FAM184B: variants seen among roughly 807,000 people sequenced by gnomAD.
FAM184B encodes family with sequence similarity 184 member B, also known as protein FAM184B.
FAM184B carries 111 observed loss-of-function variants against 135.9 expected under a neutral mutation model. That is an observed-to-expected ratio of 0.82 (90% CI 0.70 to 0.96). FAM184B has a LOEUF of 0.96. FAM184B is among the 40% of genes least tolerant of loss of function. The pLI is 0.00. For synonymous variants in FAM184B, 552 were observed against 524.8 expected (o/e 1.05, Z -0.71); for missense variants, 1,375 against 1,323.9 (o/e 1.04, Z -0.60).
At chr4:17,713,466 G>T (rs936704243) in intron 1 of FAM184B, among the ~76,000 whole-genome samples, 1 of 152,172 alleles carries the variant, frequency 6.6e-6, no homozygotes, top group Non-Finnish European at 1.5e-5. Flanking sequence ...TTCCATCCAA[G>T]AATATATCTG....
intron 1 of FAM184B, among the ~76,000 whole-genome samples, chr4:17,712,849 G>GT (rs1325108435): frequency 1.3e-5 from 2 of 152,192 alleles, no homozygotes; most frequent in African/African-American, 2.4e-5. Flanking sequence ...ATGAGAGGAA[G>GT]TTTTGGGTAT....
At chr4:17,688,690 T>G (rs1716651744) in intron 6 of FAM184B, among the ~76,000 whole-genome samples, 159 bp from the exon 7 acceptor site, 1 of 135,276 alleles carries the variant, frequency 7.4e-6, no homozygotes, top group Non-Finnish European at 1.6e-5. Flanking sequence ...CTTTTTTTTT[T>G]TTTTTTTTTT....
At chr4:17,730,357 G>A (rs922008991) in intron 1 of FAM184B, among the ~76,000 whole-genome samples, 4 of 152,194 alleles carry the variant, frequency 2.6e-5, no homozygotes, top group African/African-American at 7.2e-5. Context: ...TATTATGCAG[G>A]AGAACTTCCC....
intron 5 of FAM184B, among the ~76,000 whole-genome samples, chr4:17,698,186 T>C (rs1716907813): frequency 6.6e-6 from 1 of 152,186 alleles, no homozygotes; most frequent in Admixed American, 6.5e-5. Flanking sequence ...TGGAAGACTG[T>C]TTCATGGGCC....
chr4:17,736,402 G>T (rs1274918430), intron 1 of FAM184B, among the ~76,000 whole-genome samples: 3 of 152,138 alleles, frequency 2.0e-5, no homozygotes, highest in Non-Finnish European at 4.4e-5. Context: ...AAATGAATTT[G>T]AATTATGTGA....
At chr4:17,749,746 T>C (rs1718251607) in intron 1 of FAM184B, among the ~76,000 whole-genome samples, 1 of 152,226 alleles carries the variant, frequency 6.6e-6, no homozygotes, top group South Asian at 2.1e-4. Flanking sequence ...TCCCCTTCAG[T>C]ACAAAGGAAT....
At chr4:17,766,993 G>A (rs960854390) in intron 1 of FAM184B, among the ~76,000 whole-genome samples, 2 of 152,192 alleles carry the variant, frequency 1.3e-5, no homozygotes, top group South Asian at 2.1e-4. Flanking sequence ...CCAGCGCAGC[G>A]CCAGCGGGCC....
intron 5 of FAM184B, among the ~76,000 whole-genome samples, chr4:17,701,215 A>G (rs1432828426): frequency 6.6e-6 from 1 of 152,200 alleles, no homozygotes; most frequent in African/African-American, 2.4e-5. Flanking sequence ...CATTCAGTCA[A>G]TGGTAAATAA....
intron 1 of FAM184B, among the ~76,000 whole-genome samples, chr4:17,730,488 G>A (rs1384857573): frequency 6.6e-6 from 1 of 152,102 alleles, no homozygotes; most frequent in Non-Finnish European, 1.5e-5. Context: ...TTGAAATGAA[G>A]GAAAAAATGT....
At chr4:17,678,560 T>C (rs1162857186) in intron 7 of FAM184B, among the ~76,000 whole-genome samples, 1 of 151,972 alleles carries the variant, frequency 6.6e-6, no homozygotes, top group African/African-American at 2.4e-5. Context: ...CATCCCATAG[T>C]CAGGAATGGG....
chr4:17,774,107 C>T (rs906121565), intron 1 of FAM184B, among the ~76,000 whole-genome samples: 2 of 152,100 alleles, frequency 1.3e-5, no homozygotes, highest in East Asian at 1.9e-4. Context: ...CCGAGAGTGG[C>T]GGCTCACGCC....
chr4:17,646,292 C>T (rs900391452), intron 12 of FAM184B, among the ~76,000 whole-genome samples: 3 of 151,292 alleles, frequency 2.0e-5, no homozygotes, highest in South Asian at 2.1e-4. Context: ...ATGTTTACTG[C>T]AACACTATTC....
At chr4:17,760,185 G>A (rs951838840) in intron 1 of FAM184B, among the ~76,000 whole-genome samples, 12 of 152,264 alleles carry the variant, frequency 7.9e-5, no homozygotes, top group Middle Eastern at 3.4e-3. Flanking sequence ...ACTGAAATCC[G>A]CTGGGCATGG....
At chr4:17,651,254 A>G (rs1290853260) in intron 11 of FAM184B, among the ~76,000 whole-genome samples, 1 of 152,116 alleles carries the variant, frequency 6.6e-6, no homozygotes, top group African/African-American at 2.4e-5. Flanking sequence ...ATATTCAGTC[A>G]TGGCCGGGCG....
chr4:17,667,968 C>A (rs1450847629), intron 7 of FAM184B, among the ~76,000 whole-genome samples: 1 of 152,198 alleles, frequency 6.6e-6, no homozygotes, highest in Non-Finnish European at 1.5e-5. Flanking sequence ...GCTCCTGGGG[C>A]AGCAGCCAGG....
At chr4:17,748,950 T>C (rs1203338867) in intron 1 of FAM184B, among the ~76,000 whole-genome samples, 2 of 151,388 alleles carry the variant, frequency 1.3e-5, no homozygotes, top group Non-Finnish European at 2.9e-5. Context: ...GTTTAGCCTC[T>C]GGAGTAGCTG....
intron 17 of FAM184B, 64 bp downstream of exon 17, chr4:17,633,625 C>A: frequency 7.5e-7 from 1 of 1,341,256 alleles, no homozygotes; most frequent in Non-Finnish European, 9.7e-7. Context: ...TAGAAAGAAT[C>A]CTACTTCCCC....
At chr4:17,697,651 G>A (rs1027353040) in intron 5 of FAM184B, among the ~76,000 whole-genome samples, 7 of 152,154 alleles carry the variant, frequency 4.6e-5, no homozygotes, top group Admixed American at 1.3e-4. Flanking sequence ...TTATTGAACA[G>A]AAGTTTTGTT....
chr4:17,700,613 T>G (rs1028395635), intron 5 of FAM184B, among the ~76,000 whole-genome samples: 2 of 152,148 alleles, frequency 1.3e-5, no homozygotes, highest in African/African-American at 4.8e-5. Context: ...AAGGACATAA[T>G]AGACTTGAAC....
Sources: allele counts gnomAD v4.1 joint callset (sites outside exome capture counted in the v4.1 genomes callset), GRCh38; gene constraint gnomAD v4.1.1; transcripts MANE v1.5; gene names NCBI Gene and HGNC (gene_info 2026-07-23, HGNC 2026-07-21).